Variants in ZC3H12B observed in about 807,000 individuals in gnomAD.
The protein encoded by ZC3H12B is probable ribonuclease ZC3H12B.
A neutral mutation model predicts 43.9 loss-of-function variants in ZC3H12B; 7 were observed. The observed-to-expected ratio is 0.16, with a 90% CI of 0.09 to 0.30. The LOEUF is 0.30. Among genes scored for constraint, ZC3H12B ranks in the 10% least tolerant of loss-of-function variants. ZC3H12B has a pLI of 1.00. For missense variants in ZC3H12B, 475 were observed against 670.2 expected (o/e 0.71, Z 3.22); for synonymous variants, 222 against 241.7 (o/e 0.92, Z 0.76).
the ZC3H12B span, among the ~76,000 whole-genome samples, chrX:65,223,035 G>T: frequency 1.8e-5 from 2 of 111,716 alleles, no homozygotes; most frequent in Admixed American, 1.9e-4. Flanking sequence ...TATAAAAATA[G>T]GCACATAGAC....
intron 3 of ZC3H12B, among the ~76,000 whole-genome samples, chrX:65,450,828 T>C (rs1317288750): frequency 6.8e-5 from 5 of 73,399 alleles, no homozygotes; most frequent in East Asian, 4.4e-4. Flanking sequence ...TATATATACA[T>C]ATGTGTATAT....
chrX:65,102,586 CTAA>C, the ZC3H12B span, among the ~76,000 whole-genome samples: 1 of 111,735 alleles, frequency 8.9e-6, no homozygotes, highest in African/African-American at 3.3e-5. Flanking sequence ...TTTCTATACA[CTAA>C]TAATAGACAA....
At chrX:65,142,249 C>T in the ZC3H12B span, among the ~76,000 whole-genome samples, 1 of 112,071 alleles carries the variant, frequency 8.9e-6, no homozygotes, top group South Asian at 3.7e-4. Context: ...TTTCCATGAT[C>T]ATTAGTGATG....
chrX:65,287,690 T>C, the ZC3H12B span, among the ~76,000 whole-genome samples: 2 of 110,739 alleles, frequency 1.8e-5, no homozygotes, highest in African/African-American at 6.6e-5. Flanking sequence ...TTAATAGAAA[T>C]AAATGCCTAC....
chrX:65,323,415 C>A, the ZC3H12B span, among the ~76,000 whole-genome samples: 1 of 111,981 alleles, frequency 8.9e-6, no homozygotes, highest in Non-Finnish European at 1.9e-5. Flanking sequence ...CATTGTTCAA[C>A]TCCCACTTAT....
chrX:65,072,574 C>A, the ZC3H12B span, among the ~76,000 whole-genome samples: 10 of 111,101 alleles, frequency 9.0e-5, no homozygotes, highest in South Asian at 3.8e-3. Flanking sequence ...TTTCTTTTAT[C>A]CCATTTGATG....
In ZC3H12B at chrX:65,396,960, C is replaced by T. The variant is rs969417247; in HGVS notation, n.296-1633C>T. On this transcript the variant is annotated intron_variant and non_coding_transcript_variant, in intron 2 of 5. Transcript: ENST00000617377. The stretch of plus-strand genomic sequence containing the variant: ...TGATCCCTTTACCATTATGTAATGC[C>T]TTTCTTTGTCTTTTTTTATCTTTGT... Among the ~76,000 whole-genome samples the T allele has an allele frequency of 2.7e-5, 3 of 111,325 alleles. No homozygotes were observed. In the Admixed American group the frequency reaches 2.9e-4, roughly 11 times the overall value.
the ZC3H12B span, among the ~76,000 whole-genome samples, chrX:65,240,353 G>A: frequency 2.3e-4 from 26 of 111,376 alleles, no homozygotes; most frequent in Non-Finnish European, 4.9e-4. Context: ...TTCTTTGCTT[G>A]GTCTATTCTG....
At chrX:65,111,860 C>T in the ZC3H12B span, among the ~76,000 whole-genome samples, 1 of 110,804 alleles carries the variant, frequency 9.0e-6, no homozygotes, top group Non-Finnish European at 1.9e-5. Context: ...GTCTCTTTCC[C>T]TCTCGTCTTG....
chrX:65,479,455 C>A (rs915861139), intron 3 of ZC3H12B, among the ~76,000 whole-genome samples: 1 of 108,528 alleles, frequency 9.2e-6, no homozygotes, highest in Non-Finnish European at 1.9e-5. Flanking sequence ...GTAACCTCTG[C>A]CTCCCAAGTT....
the ZC3H12B span, among the ~76,000 whole-genome samples, chrX:65,104,923 T>C: frequency 8.9e-6 from 1 of 111,892 alleles, no homozygotes; most frequent in East Asian, 2.8e-4. Context: ...CAAAGGATTA[T>C]AAATCATTCT....
chrX:65,416,154 C>T (rs1030329718), intron 3 of ZC3H12B, among the ~76,000 whole-genome samples: 2 of 111,752 alleles, frequency 1.8e-5, no homozygotes, highest in African/African-American at 6.5e-5. Flanking sequence ...CGATCTTAGC[C>T]CCCAAGGACT....
At chrX:65,388,021 G>T (rs185269501) in intron 2 of ZC3H12B, among the ~76,000 whole-genome samples, 1 of 112,281 alleles carries the variant, frequency 8.9e-6, no homozygotes, top group Admixed American at 9.4e-5. Context: ...CTGTTAGTCT[G>T]ATGGGCTTCC....
the ZC3H12B span, among the ~76,000 whole-genome samples, chrX:65,253,982 G>A: frequency 8.9e-6 from 1 of 111,795 alleles, no homozygotes; most frequent in Non-Finnish European, 1.9e-5. Flanking sequence ...GCTAGTGTGA[G>A]TGCACCCTGC....
chrX:65,172,277 G>T, the ZC3H12B span, among the ~76,000 whole-genome samples: 1 of 111,982 alleles, frequency 8.9e-6, no homozygotes, highest in Non-Finnish European at 1.9e-5. Context: ...ACTTTTTGAT[G>T]GAGTTGTTTG....
intron 3 of ZC3H12B, among the ~76,000 whole-genome samples, chrX:65,408,888 A>G (rs1189530008): frequency 8.9e-6 from 1 of 111,946 alleles, no homozygotes; most frequent in Non-Finnish European, 1.9e-5. Context: ...GCATCTTGAC[A>G]TCTTGGCAAC....
the ZC3H12B span, among the ~76,000 whole-genome samples, chrX:65,145,944 C>A: frequency 4.5e-5 from 5 of 111,336 alleles, no homozygotes; most frequent in South Asian, 7.6e-4. Flanking sequence ...CTTTTGATAA[C>A]CTGATGACAA....
chrX:65,189,775 T>C, the ZC3H12B span, among the ~76,000 whole-genome samples: 5 of 111,323 alleles, frequency 4.5e-5, no homozygotes, highest in Non-Finnish European at 7.5e-5. Context: ...GTAGTTGCTT[T>C]TGCTATGCAG....
At chrX:65,343,112 C>T in the ZC3H12B span, among the ~76,000 whole-genome samples, 3 of 110,923 alleles carry the variant, frequency 2.7e-5, no homozygotes, top group Admixed American at 9.6e-5. Context: ...CAAAACTGAA[C>T]CTGGGAGAAA....
Sources: gnomAD v4.1 joint callset for allele counts (sites outside exome capture counted in the v4.1 genomes callset) on GRCh38, gnomAD v4.1.1 for gene constraint, MANE v1.5 for transcripts, NCBI Gene and HGNC (gene_info 2026-07-23, HGNC 2026-07-21) for gene names.